Variants in CLCN5 observed in about 807,000 individuals in gnomAD.
CLCN5 encodes Cl-/H+ antiporter 5, also known as H(+)/Cl(-) exchange transporter 5.
A neutral mutation model predicts 54.0 loss-of-function variants in CLCN5; 17 were observed. The ratio of observed to expected loss-of-function variants is 0.31; its 90% CI spans 0.22 to 0.47. The LOEUF (loss-of-function observed/expected upper bound fraction) is 0.47, where lower values mean the gene tolerates loss of function less well. Among genes scored for constraint, CLCN5 ranks in the 20% least tolerant of loss-of-function variants. The probability of loss-of-function intolerance (pLI) is 1.00; values close to 1 mark genes in which losing one functional copy is unlikely to be tolerated. For synonymous variants in CLCN5, 222 were observed against 233.0 expected (o/e 0.95, Z 0.43); for missense variants, 448 against 646.7 (o/e 0.69, Z 3.33).
chrX:49,944,597 G>T (rs1926582494), intron 3 of CLCN5, among the ~76,000 whole-genome samples: 1 of 111,809 alleles, frequency 8.9e-6, no homozygotes, highest in African/African-American at 3.3e-5. Context: ...CGAATTTATT[G>T]AGAGTTTTTA....
At chrX:50,060,181 G>C (rs1031377420) in intron 4 of CLCN5, among the ~76,000 whole-genome samples, 1 of 109,023 alleles carries the variant, frequency 9.2e-6, no homozygotes, top group Admixed American at 9.9e-5. Context: ...GAACAGCTCC[G>C]GTCTACAGCT....
At chrX:50,017,011 GTTTA>G (rs1930821908) in intron 3 of CLCN5, among the ~76,000 whole-genome samples, 1 of 111,261 alleles carries the variant, frequency 9.0e-6, no homozygotes, top group Non-Finnish European at 1.9e-5. Context: ...GAGGCACAAA[GTTTA>G]TTTATCCTCA....
At chrX:50,011,090 C>G in intron 3 of CLCN5, among the ~76,000 whole-genome samples, 1 of 111,800 alleles carries the variant, frequency 8.9e-6, no homozygotes, top group Non-Finnish European at 1.9e-5. Flanking sequence ...TCCACAGAGA[C>G]ATGTCCTCAC....
Position 50,092,115 on chromosome X carries a change from TG to T in CLCN5, c.2361-13del. On this transcript the variant is annotated splice_polypyrimidine_tract_variant and intron_variant, in intron 14 of 14. Transcript: ENST00000376091. ...GATTTATTTTTGTTTTTTTGTATTG[TG>T]TTTGTCTTTTAGGCGATTGCTTGGA... 1 of 1,166,785 alleles carries T rather than the reference TG, an allele frequency of 8.6e-7. No individual in the cohort carries two copies. The highest frequency in any genetic ancestry group is 1.2e-6 in the Non-Finnish European group (1 of 854,807).
At chrX:49,985,253 C>T (rs1445876725) in intron 3 of CLCN5, among the ~76,000 whole-genome samples, 1 of 110,913 alleles carries the variant, frequency 9.0e-6, no homozygotes, top group African/African-American at 3.3e-5. Flanking sequence ...ATTCAGTTGC[C>T]ATTTAAGAAA....
chrX:50,090,499 C>G lies in CLCN5; in HGVS notation c.2128C>G (p.Leu710Val). The change falls in exon 13 of 15, where the codon CTC (leucine) becomes GTC (valine). Residue 710 changes from leucine to valine, a missense_variant. Physicochemically the swap from Leu to Val is conservative, Grantham distance 32. Coordinates refer to ENST00000376091, the MANE Select transcript of CLCN5 (RefSeq NM_001127898.4). ...TGTGGGCTTTGTCCTCCGAAGAGAT[C>G]TCATTATTTCAATTGGTAAGGATTT... Reference protein sequence around the residue: ...RLVGFVLRRDLIISIENARKK... With the variant: ...RLVGFVLRRDVIISIENARKK... 2.5e-6 allele frequency: 3 copies of G among 1,206,007 alleles called. No homozygotes were observed. The highest frequency in any genetic ancestry group is 3.4e-6 in the Non-Finnish European group (3 of 892,662).
chrX:49,991,241 A>G (rs1321164177), intron 3 of CLCN5, among the ~76,000 whole-genome samples: 1 of 112,053 alleles, frequency 8.9e-6, no homozygotes, highest in Non-Finnish European at 1.9e-5. Flanking sequence ...TTTTTTAATT[A>G]TGGCCATTCT....
At chrX:49,938,644 T>C (rs1178511166) in intron 3 of CLCN5, among the ~76,000 whole-genome samples, 14 of 111,923 alleles carry the variant, frequency 1.3e-4, no homozygotes, top group African/African-American at 4.5e-4. Context: ...TAATTCAAGA[T>C]GGATTAAAGA....
chrX:50,060,015 T>A (rs1409216319), intron 4 of CLCN5, among the ~76,000 whole-genome samples: 3 of 105,455 alleles, frequency 2.8e-5, no homozygotes, highest in East Asian at 3.0e-4. Context: ...GGTCTTCAGA[T>A]ACTGTTACAG....
In CLCN5 at chrX:50,001,514, A is replaced by G. The variant is rs782355356; in HGVS notation, c.17-40802A>G. On this transcript the variant is annotated intron_variant, in intron 3 of 14. Coordinates refer to ENST00000376091, the MANE Select transcript of CLCN5 (RefSeq NM_001127898.4). The stretch of plus-strand genomic sequence containing the variant: ...AAGTTCTAGGGTACATGTGCACAAC[A>G]TGCAGGTTTGTTACATATGCATACA... Among the ~76,000 whole-genome samples the G allele has an allele frequency of 3.9e-4, 43 of 108,890 alleles. 1 individual carries two copies. The East Asian group carries it at 0.012, about 30-fold the overall frequency. The allele number at this position is 108,890 out of a possible 115,157, so 94.6% of individuals were successfully genotyped here. A position where few individuals can be genotyped will look rare whatever the true frequency, so the allele number is the denominator to read the frequency against.
At position 50,090,354 on chromosome X, in the gene CLCN5, T is replaced by C. The variant is rs1557194584; in HGVS notation, c.1983T>C (p.Asn661=). The change falls in exon 13 of 15, where the codon AAT becomes AAC. Residue 661 remains asparagine (N), a synonymous_variant. Transcript: ENST00000376091. The stretch of plus-strand genomic sequence containing the variant: ...TGGATGTGATGAAACCCCGGAGAAA[T>C]GATCCTTTGTTGACTGTCCTTACTC... The part of the protein sequence containing the change: ...LAMDVMKPRR[N]DPLLTVLTQD... The C allele has an allele frequency of 8.3e-7, 1 of 1,211,261 alleles. No homozygotes were observed. Among genetic ancestry groups the C allele is most frequent in the Non-Finnish European group, 1.1e-6 (1 of 895,340 alleles).
At chrX:49,924,571 TTTC>T (rs1925243646) in intron 2 of CLCN5, among the ~76,000 whole-genome samples, 1 of 112,335 alleles carries the variant, frequency 8.9e-6, no homozygotes. Context: ...TTTTTACATT[TTTC>T]TTCTTCTTTG....
At chrX:49,950,178 T>C (rs1442052607) in intron 3 of CLCN5, among the ~76,000 whole-genome samples, 2 of 111,760 alleles carry the variant, frequency 1.8e-5, no homozygotes, top group Non-Finnish European at 3.8e-5. Flanking sequence ...TGTTGCTCTT[T>C]GGACTGACTC....
intron 4 of CLCN5, chrX:50,068,188 C>T (rs782770105): frequency 9.0e-6 from 1 of 111,722 alleles, no homozygotes; most frequent in African/African-American, 3.2e-5. Flanking sequence ...TGTTTGGTGT[C>T]ATGTGTTCAT....
intron 3 of CLCN5, among the ~76,000 whole-genome samples, chrX:49,985,608 C>A (rs1280625300): frequency 7.2e-5 from 8 of 111,647 alleles, no homozygotes; most frequent in African/African-American, 1.9e-4. Flanking sequence ...TATAAAAAAT[C>A]ATTAGATCTT....
At chrX:49,966,603 TTTTTTTTTA>T (rs1927882919) in intron 3 of CLCN5, among the ~76,000 whole-genome samples, 1 of 27,198 alleles carries the variant, frequency 3.7e-5, no homozygotes, top group Admixed American at 5.5e-4. Context: ...TTTTTTTTTT[TTTTTTTTTA>T]TTTTTTTATT....
intron 3 of CLCN5, among the ~76,000 whole-genome samples, chrX:49,954,960 G>A (rs1240785000): frequency 9.0e-6 from 1 of 111,360 alleles, no homozygotes; most frequent in East Asian, 2.8e-4. Flanking sequence ...AGAGTCACTG[G>A]GCTGGTTAGT....
intron 3 of CLCN5, among the ~76,000 whole-genome samples, chrX:50,036,171 C>A (rs1482645408): frequency 5.5e-5 from 6 of 109,150 alleles, no homozygotes; most frequent in African/African-American, 2.1e-4. Context: ...GAATTGGTTT[C>A]TCATTACTCT....
At chrX:49,978,016 G>T (rs963615372) in intron 3 of CLCN5, among the ~76,000 whole-genome samples, 1 of 112,159 alleles carries the variant, frequency 8.9e-6, no homozygotes, top group East Asian at 2.8e-4. Context: ...GCAAACCAAC[G>T]GTATGACCTT....
Sources: gnomAD v4.1 joint callset for allele counts (sites outside exome capture counted in the v4.1 genomes callset) on GRCh38, gnomAD v4.1.1 for gene constraint, MANE v1.5 for transcripts, NCBI Gene and HGNC (gene_info 2026-07-23, HGNC 2026-07-21) for gene names.